The following ASCC3 variants were observed in gnomAD, a reference collection of about 807,000 sequenced individuals.
The protein encoded by ASCC3 is ASC-1 complex subunit P200.
A neutral mutation model predicts 256.3 loss-of-function variants in ASCC3; 158 were observed. The ratio of observed to expected loss-of-function variants is 0.62; its 90% confidence interval spans 0.54 to 0.70. The LOEUF (loss-of-function observed/expected upper bound fraction) is 0.70, where lower values mean the gene tolerates loss of function less well. Among genes scored for constraint, ASCC3 ranks in the 30% least tolerant of loss-of-function variants. The pLI, the probability that ASCC3 is intolerant of heterozygous loss-of-function variation, is 0.00. For synonymous variants in ASCC3, 948 were observed against 883.4 expected, an observed-to-expected ratio of 1.07 and a Z score of -1.30; for missense variants, 2,259 against 2,626.0, an observed-to-expected ratio of 0.86 and a Z score of 3.05.
At chr6:100,819,348 T>C (rs1281595679) in intron 4 of ASCC3, among the ~76,000 whole-genome samples, 1 of 152,078 alleles carries the variant, frequency 6.6e-6, no homozygotes, top group Non-Finnish European at 1.5e-5. Flanking sequence ...ATCAAAAACA[T>C]TATGTATTAG....
At chr6:100,636,633 C>G (rs1290899510) in intron 25 of ASCC3, among the ~76,000 whole-genome samples, 1 of 152,128 alleles carries the variant, frequency 6.6e-6, no homozygotes, top group African/African-American at 2.4e-5. Context: ...AAAGCTAGGC[C>G]TCTTAATACC....
At chr6:100,845,378 A>G (rs1772335759) in intron 4 of ASCC3, among the ~76,000 whole-genome samples, 1 of 152,226 alleles carries the variant, frequency 6.6e-6, no homozygotes, top group Non-Finnish European at 1.5e-5. Context: ...TGTTTGAAAA[A>G]GACATCAACT....
intron 1 of ASCC3, among the ~76,000 whole-genome samples, chr6:100,879,058 G>A (rs1271675303): frequency 5.3e-5 from 8 of 152,104 alleles, no homozygotes; most frequent in Admixed American, 3.9e-4. Flanking sequence ...CCTTGGGTTC[G>A]GTTAATTTGC....
chr6:100,545,926 G>T (rs1245924353), intron 36 of ASCC3, among the ~76,000 whole-genome samples: 1 of 151,964 alleles, frequency 6.6e-6, no homozygotes, highest in African/African-American at 2.4e-5. Context: ...GTTCTAGCCA[G>T]TACAATCAGG....
intron 36 of ASCC3, among the ~76,000 whole-genome samples, chr6:100,583,720 C>T (rs1020557201): frequency 1.3e-5 from 2 of 151,964 alleles, no homozygotes; most frequent in Admixed American, 1.3e-4. Flanking sequence ...CTCTTATGGG[C>T]ATTTAGTGCT....
In ASCC3 at chr6:100,764,111, A is replaced by G. The variant is rs144324836; in HGVS notation, c.1737+2454T>C. On this transcript the variant is annotated intron_variant, in intron 10 of 41. Coordinates refer to ENST00000369162, the MANE Select transcript of ASCC3 (RefSeq NM_006828.4). ...ATGTTATCTCCCTTGTCTTTCCACA[A>G]ACATTCTTGCATTAGCATCAGTAAC... is the stretch of plus-strand genomic sequence containing the variant. 4.1e-4 allele frequency among the ~76,000 whole-genome samples: 62 copies of G among 152,354 alleles called. 1 individual carries two copies. Among genetic ancestry groups the G allele is most frequent in the African/African-American group, 1.4e-3 (58 of 41,596 alleles).
intron 10 of ASCC3, among the ~76,000 whole-genome samples, chr6:100,751,278 A>G (rs1780925972): frequency 6.6e-6 from 1 of 152,096 alleles, no homozygotes; most frequent in African/African-American, 2.4e-5. Flanking sequence ...GTTATAGAAA[A>G]TTAAATTAAA....
At chr6:100,847,991 GTAT>G in intron 4 of ASCC3, 154 bp downstream of exon 4, 1 of 649,306 alleles carries the variant, frequency 1.5e-6, no homozygotes, top group African/African-American at 1.8e-5. Flanking sequence ...CATTAGGAAC[GTAT>G]ATACAGGCCT....
chr6:100,807,490 T>C (rs1478229603), intron 4 of ASCC3, among the ~76,000 whole-genome samples: 2 of 151,860 alleles, frequency 1.3e-5, no homozygotes, highest in African/African-American at 4.8e-5. Context: ...GGGGCCCACA[T>C]GGTCAAAATT....
chr6:100,844,196 G>GA (rs1772283511), intron 4 of ASCC3, among the ~76,000 whole-genome samples: 1 of 149,004 alleles, frequency 6.7e-6, no homozygotes, highest in Non-Finnish European at 1.5e-5. Context: ...TCTACACTGA[G>GA]AAAAAAAGTC....
intron 36 of ASCC3, among the ~76,000 whole-genome samples, chr6:100,580,424 T>C (rs1771156657): frequency 6.6e-6 from 1 of 151,998 alleles, no homozygotes; most frequent in Non-Finnish European, 1.5e-5. Flanking sequence ...TGAAGAGAAA[T>C]AATGGGTTTA....
At chr6:100,561,304 GAAATACATAA>G (rs1181455257) in intron 36 of ASCC3, among the ~76,000 whole-genome samples, 11 of 151,980 alleles carry the variant, frequency 7.2e-5, no homozygotes, top group African/African-American at 2.7e-4. Flanking sequence ...ATTCATCAAA[GAAATACATAA>G]ATGCACATAC....
chr6:100,523,630 G>T (rs754267314), intron 37 of ASCC3, among the ~76,000 whole-genome samples: 8 of 152,150 alleles, frequency 5.3e-5, no homozygotes, highest in Non-Finnish European at 8.8e-5. Context: ...TACACCACAT[G>T]TCCTCAACAT....
intron 10 of ASCC3, 103 bp from the exon 11 acceptor site, chr6:100,725,806 A>T: frequency 8.5e-7 from 1 of 1,170,090 alleles, no homozygotes. Context: ...TACATAAATC[A>T]AATAAAAAGT....
chr6:100,719,771 T>C (rs1384296118), intron 11 of ASCC3, among the ~76,000 whole-genome samples: 2 of 151,972 alleles, frequency 1.3e-5, no homozygotes, highest in African/African-American at 2.4e-5. Context: ...CTCCCTATCA[T>C]TAGCTCGGAT....
chr6:100,844,283 G>A (rs1772286952), intron 4 of ASCC3, among the ~76,000 whole-genome samples: 1 of 151,200 alleles, frequency 6.6e-6, no homozygotes, highest in Admixed American at 6.6e-5. Context: ...TTTATAAAGA[G>A]GATATCACTC....
chr6:100,838,802 T>C (rs1053340546), intron 4 of ASCC3, among the ~76,000 whole-genome samples: 3 of 152,206 alleles, frequency 2.0e-5, no homozygotes, highest in African/African-American at 7.2e-5. Context: ...TATTCTGATA[T>C]TAATTGTCTC....
chr6:100,868,279 G>A (rs923393244), intron 1 of ASCC3, among the ~76,000 whole-genome samples: 2 of 152,172 alleles, frequency 1.3e-5, no homozygotes, highest in Non-Finnish European at 2.9e-5. Flanking sequence ...GGGTTCTGTA[G>A]ATTCCCAAGT....
Position 100,800,300 on chromosome 6 carries a change from C to CT in ASCC3, c.1126dup (p.Arg376LysfsTer9). On this transcript the variant is annotated frameshift_variant and splice_region_variant, in exon 6 of 42. Coordinates refer to ENST00000369162, the MANE Select transcript of ASCC3 (RefSeq NM_006828.4). LOFTEE classifies it high-confidence loss of function. ...TTTTTCAGCTCCTGGCTTTTATTAC[C>CT]TTTGTATCCGCAATTCCTTAGGATC... 1 of 1,612,426 alleles carries CT rather than the reference C, an allele frequency of 6.2e-7. No individual in the cohort carries two copies. The highest frequency in any genetic ancestry group is 8.5e-7 in the Non-Finnish European group (1 of 1,179,006).
Sources: gnomAD v4.1 joint callset for allele counts (sites outside exome capture counted in the v4.1 genomes callset) on GRCh38, gnomAD v4.1.1 for gene constraint, MANE v1.5 for transcripts, NCBI Gene and HGNC (gene_info 2026-07-23, HGNC 2026-07-21) for gene names.